Variants in PCDHA1 observed in about 807,000 individuals in gnomAD.
The protein encoded by PCDHA1 is protocadherin alpha-1.
PCDHA1 carries 42 observed loss-of-function variants against 61.3 expected under a neutral mutation model. The observed-to-expected ratio is 0.69, with a 90% CI of 0.54 to 0.89. The LOEUF is 0.89. PCDHA1 is among the 40% of genes least tolerant of loss of function. The pLI is 0.00. For synonymous variants in PCDHA1, 610 were observed against 553.8 expected, an observed-to-expected ratio of 1.10 and a Z score of -1.43; for missense variants, 1,256 against 1,235.3, an observed-to-expected ratio of 1.02 and a Z score of -0.25.
At chr5:140,798,780 G>A (rs1554120761) in intron 1 of PCDHA1, among the ~76,000 whole-genome samples, 3 of 152,174 alleles carry the variant, frequency 2.0e-5, no homozygotes, top group Non-Finnish European at 2.9e-5. Context: ...ACAAGTAAAT[G>A]TTACACTTGG....
intron 1 of PCDHA1, chr5:140,802,907 G>A (rs1429009180): frequency 6.2e-7 from 1 of 1,613,648 alleles, no homozygotes; most frequent in African/African-American, 1.3e-5. Flanking sequence ...TGCCTCGGGT[G>A]GGTGGCATCG....
At chr5:140,871,190 A>G (rs1554165248) in intron 1 of PCDHA1, 9 of 1,613,526 alleles carry the variant, frequency 5.6e-6, no homozygotes, top group Admixed American at 3.3e-5. Flanking sequence ...GTGGATGTCA[A>G]CGTGTACCTG....
At chr5:140,998,403 A>G (rs375947232) in intron 3 of PCDHA1, among the ~76,000 whole-genome samples, 5 of 152,114 alleles carry the variant, frequency 3.3e-5, no homozygotes, top group Non-Finnish European at 7.4e-5. Context: ...CTTTATGCCA[A>G]AGTTTATCTA....
At chr5:140,982,353 C>G (rs2096979519) in intron 2 of PCDHA1, 122 bp from the exon 3 acceptor site, 1 of 1,509,284 alleles carries the variant, frequency 6.6e-7, no homozygotes, top group East Asian at 2.4e-5. Flanking sequence ...TCAGTTCAAG[C>G]ATGAGCAGAA....
intron 1 of PCDHA1, chr5:140,803,394 G>A: frequency 6.2e-7 from 1 of 1,614,250 alleles, no homozygotes; most frequent in Non-Finnish European, 8.5e-7. Context: ...AGGCGACTGT[G>A]GGCCGGGCAA....
chr5:140,923,280 A>C (rs2081292990), intron 1 of PCDHA1, among the ~76,000 whole-genome samples: 1 of 152,220 alleles, frequency 6.6e-6, no homozygotes, highest in South Asian at 2.1e-4. Context: ...CTCTACAAAA[A>C]ATTAAAAATT....
At chr5:140,870,073 A>G in intron 1 of PCDHA1, 1 of 1,613,872 alleles carries the variant, frequency 6.2e-7, no homozygotes. Flanking sequence ...GGCTACAGAT[A>G]AGGGGACTCC....
intron 1 of PCDHA1, chr5:140,807,106 C>A: frequency 2.1e-6 from 3 of 1,458,318 alleles, no homozygotes; most frequent in Non-Finnish European, 2.8e-6. Context: ...GAGGATGCAG[C>A]TGCACTTGAC....
At chr5:140,955,146 T>C (rs184262984) in intron 1 of PCDHA1, among the ~76,000 whole-genome samples, 10 of 152,338 alleles carry the variant, frequency 6.6e-5, no homozygotes, top group African/African-American at 2.4e-4. Context: ...TCTGTTTTTG[T>C]ACCAGTACCG....
intron 1 of PCDHA1, chr5:140,856,990 T>C: frequency 6.3e-7 from 1 of 1,595,350 alleles, no homozygotes; most frequent in Non-Finnish European, 8.6e-7. Flanking sequence ...ACAGTAACAC[T>C]TATGAAATTC....
At chr5:140,934,279 A>G (rs2089746811) in intron 1 of PCDHA1, among the ~76,000 whole-genome samples, 1 of 152,104 alleles carries the variant, frequency 6.6e-6, no homozygotes, top group South Asian at 2.1e-4. Flanking sequence ...TGCTTCATCA[A>G]GGGCATTCTT....
intron 1 of PCDHA1, chr5:140,875,618 C>T (rs1554167806): frequency 3.1e-6 from 5 of 1,613,806 alleles, no homozygotes; most frequent in Non-Finnish European, 3.4e-6. Context: ...GGCCGCATCG[C>T]TCAGGACCTG....
intron 1 of PCDHA1, chr5:140,877,791 C>T: frequency 6.2e-7 from 1 of 1,614,022 alleles, no homozygotes. Flanking sequence ...TGGCCTTCAG[C>T]CCAAGCCTTC....
chr5:140,797,310 C>G, intron 1 of PCDHA1: 1 of 1,614,186 alleles, frequency 6.2e-7, no homozygotes, highest in East Asian at 2.2e-5. Flanking sequence ...GTCCAGACTC[C>G]GCAGAAGAGA....
intron 1 of PCDHA1, chr5:140,871,022 A>G (rs2052630009): frequency 6.2e-7 from 1 of 1,613,114 alleles, no homozygotes; most frequent in African/African-American, 1.3e-5. Context: ...GACGAGGCAG[A>G]CTCGCCGCGC....
At chr5:140,836,194 A>T in intron 1 of PCDHA1, 1 of 1,613,794 alleles carries the variant, frequency 6.2e-7, no homozygotes, top group Non-Finnish European at 8.5e-7. Context: ...TCAGGCTACA[A>T]CGCGTGGCTT....
At position 140,803,482 on chromosome 5, in the gene PCDHA1, A is replaced by C. The variant is rs372995948; in HGVS notation, c.2394+14798A>C. ...AGGCAGCAGAGGGTGTGCTCTGGAGAGGGGTTGCCCAAGACCGACCTCATG... is the reference window on the plus strand; with the variant it reads ...AGGCAGCAGAGGGTGTGCTCTGGAGCGGGGTTGCCCAAGACCGACCTCATG... On this transcript the variant is annotated intron_variant, in intron 1 of 3. Coordinates refer to ENST00000504120, the MANE Select transcript of PCDHA1 (RefSeq NM_018900.4). 1.2e-6 allele frequency: 2 copies of C among 1,614,206 alleles called. No homozygotes were observed. The highest frequency in any genetic ancestry group is 1.7e-6 in the Non-Finnish European group (2 of 1,180,042).
chr5:140,870,420 G>A (rs371557347), intron 1 of PCDHA1: 9 of 1,614,234 alleles, frequency 5.6e-6, no homozygotes, highest in Admixed American at 1.7e-5. Context: ...CCACGGCCAG[G>A]GTATCCGTGG....
At chr5:140,841,928 G>A in intron 1 of PCDHA1, 2 of 1,613,910 alleles carry the variant, frequency 1.2e-6, no homozygotes, top group Admixed American at 1.7e-5. Context: ...CTTGGACAGA[G>A]AGGACGCTCC....
Sources: allele counts gnomAD v4.1 joint callset (sites outside exome capture counted in the v4.1 genomes callset), GRCh38; gene constraint gnomAD v4.1.1; transcripts MANE v1.5; gene names NCBI Gene and HGNC (gene_info 2026-07-23, HGNC 2026-07-21).